Variants in IRAG1 observed in about 807,000 individuals in gnomAD.
The protein encoded by IRAG1 is inositol 1,4,5-triphosphate receptor associated 1.
A neutral mutation model predicts 106.2 loss-of-function variants in IRAG1; 62 were observed. The observed-to-expected ratio is 0.58, with a 90% CI of 0.48 to 0.72. The LOEUF (loss-of-function observed/expected upper bound fraction) is 0.72, where lower values mean the gene tolerates loss of function less well. IRAG1 is among the 30% of genes least tolerant of loss of function. IRAG1 has a pLI of 0.00. For missense variants in IRAG1, 1,064 were observed against 1,140.7 expected, an observed-to-expected ratio of 0.93 and a Z score of 0.97; for synonymous variants, 462 against 443.9, an observed-to-expected ratio of 1.04 and a Z score of -0.51.
chr11:10,640,792 T>A (rs1857455284), intron 2 of IRAG1, among the ~76,000 whole-genome samples: 1 of 152,170 alleles, frequency 6.6e-6, no homozygotes. Context: ...GGCCTCAGGC[T>A]CAGAAGCCAC....
chr11:10,614,939 T>C (rs1855275026), intron 10 of IRAG1, among the ~76,000 whole-genome samples: 1 of 152,058 alleles, frequency 6.6e-6, no homozygotes, highest in Non-Finnish European at 1.5e-5. Flanking sequence ...AATTGACAAA[T>C]GGGATCTAAT....
In IRAG1 at chr11:10,628,636, A is replaced by T. The variant is rs572821885; in HGVS notation, c.652+115T>A. Reference sequence around the variant, plus strand: ...GTCTTGCTCTGGGTGTGAAGGGGCCATCAGAGTTCTTGAAGGGGAAGCCTG... The same window carrying T: ...GTCTTGCTCTGGGTGTGAAGGGGCCTTCAGAGTTCTTGAAGGGGAAGCCTG... On this transcript the variant is annotated intron_variant, in intron 6 of 20. Transcript: ENST00000423302. The surrounding 1 kb of genome is among the most constrained non-coding windows in gnomAD (Gnocchi z 4.1). 1 of 877,392 alleles carries T rather than the reference A, an allele frequency of 1.1e-6. No individual in the cohort carries two copies. The allele number at this position is 877,392 out of a possible 1,614,324, so 54.4% of individuals were successfully genotyped here. A position where few individuals can be genotyped will look rare whatever the true frequency, so the allele number is the denominator to read the frequency against.
At position 10,659,379 on chromosome 11, in the gene IRAG1, G is replaced by A. The variant is rs998132271; in HGVS notation, c.68-7197C>T. On this transcript the variant is annotated intron_variant, in intron 1 of 20. Transcript: ENST00000423302. This position sits in a 1 kb window ranked among gnomAD's most constrained non-coding sequence, Gnocchi z 4.1. ...TGCAGGAGCAGGAATGGTGAAGGGC[G>A]GAGATGCAGGGAGAAAGCCTCGGTG... Among the ~76,000 whole-genome samples, 4 of 152,168 alleles carry A rather than the reference G, an allele frequency of 2.6e-5. No individual in the cohort carries two copies. Among genetic ancestry groups the A allele is most frequent in the Non-Finnish European group, 4.4e-5 (3 of 68,030 alleles).
At chr11:10,651,226 G>A (rs1350696440) in intron 2 of IRAG1, among the ~76,000 whole-genome samples, 2 of 152,214 alleles carry the variant, frequency 1.3e-5, no homozygotes, top group African/African-American at 4.8e-5. Flanking sequence ...ATACGACGAG[G>A]ATGATGCTCA....
At chr11:10,600,649 C>G (rs1853892829) in intron 15 of IRAG1, among the ~76,000 whole-genome samples, 1 of 152,340 alleles carries the variant, frequency 6.6e-6, no homozygotes, top group Non-Finnish European at 1.5e-5. Context: ...TCTTGTAGCC[C>G]ATGGGCTTTG....
chr11:10,673,054 G>C (rs181375024), intron 1 of IRAG1, among the ~76,000 whole-genome samples: 1 of 152,120 alleles, frequency 6.6e-6, no homozygotes, highest in Admixed American at 6.5e-5. Flanking sequence ...AGGCTGAGAC[G>C]GGCGAATCAC....
Position 10,652,168 on chromosome 11 carries a change from C to T in IRAG1, c.82G>A (p.Ala28Thr), listed in dbSNP as rs369102187. ...TCAGCCCCAAAGATGCTCCAAGAGG[C>T]CTGGGCTCCACAGGCTGGGGAGATG... ...NNSVLACGAQ[A>T]SWSIFGADAA... Residue 28 changes from alanine (A) to threonine (T), a missense_variant, in exon 2 of 21, where the codon GCC becomes ACC. By Grantham distance (58) the Ala-to-Thr change is moderately conservative. Coordinates refer to ENST00000423302, the MANE Select transcript of IRAG1 (RefSeq NM_130385.4). 50 of 1,613,714 alleles carry T rather than the reference C, an allele frequency of 3.1e-5. No homozygotes were observed. Among genetic ancestry groups the T allele is most frequent in the Admixed American group, 2.0e-4 (12 of 59,990 alleles).
At chr11:10,619,481 T>C (rs956230830) in intron 10 of IRAG1, among the ~76,000 whole-genome samples, 2 of 152,114 alleles carry the variant, frequency 1.3e-5, no homozygotes, top group Admixed American at 6.6e-5. Context: ...GGCTCTTTGA[T>C]GGGGCTTTCA....
intron 1 of IRAG1, among the ~76,000 whole-genome samples, chr11:10,677,566 T>C (rs1255970180): frequency 7.4e-6 from 1 of 135,892 alleles, no homozygotes; most frequent in Non-Finnish European, 1.6e-5. Flanking sequence ...TGCCTAAACT[T>C]TGGGTCACAT....
intron 1 of IRAG1, among the ~76,000 whole-genome samples, chr11:10,689,795 T>G (rs1461686240): frequency 6.6e-6 from 1 of 152,208 alleles, no homozygotes; most frequent in Admixed American, 6.5e-5. Flanking sequence ...AAGATCCTAG[T>G]TTTACAAAAT....
intron 1 of IRAG1, among the ~76,000 whole-genome samples, chr11:10,676,235 A>G (rs1163372740): frequency 2.6e-5 from 4 of 152,178 alleles, no homozygotes; most frequent in Admixed American, 6.5e-5. Context: ...GTTAGTCTAC[A>G]CCTTGGTTTC....
chr11:10,639,470 A>T (rs915058498), intron 2 of IRAG1, among the ~76,000 whole-genome samples: 4 of 152,192 alleles, frequency 2.6e-5, no homozygotes, highest in African/African-American at 9.7e-5. Context: ...GACTCTGAGA[A>T]GGCTCGCCTT....
intron 3 of IRAG1, 97 bp downstream of exon 3, chr11:10,633,871 C>T: frequency 1.5e-6 from 1 of 661,384 alleles, no homozygotes; most frequent in Non-Finnish European, 2.4e-6. Context: ...TAAAATGATA[C>T]AAGAAAAAAG....
At chr11:10,580,884 G>A (rs898222690) in intron 19 of IRAG1, among the ~76,000 whole-genome samples, 6 of 152,152 alleles carry the variant, frequency 3.9e-5, no homozygotes, top group East Asian at 3.9e-4. Flanking sequence ...AAAACATTCC[G>A]TAGGGCTAAG....
At chr11:10,617,096 G>C in intron 10 of IRAG1, 1 of 985,334 alleles carries the variant, frequency 1.0e-6, no homozygotes, top group Non-Finnish European at 1.2e-6. Context: ...TCTGAGTCTA[G>C]ACTGGGGGTT....
intron 18 of IRAG1, among the ~76,000 whole-genome samples, chr11:10,591,312 C>G (rs1180775379): frequency 1.3e-5 from 2 of 152,204 alleles, no homozygotes. Flanking sequence ...AGGCTCCAGC[C>G]TTCTCTGGGC....
In IRAG1 at chr11:10,665,561, C is replaced by A. The variant is rs79392480; in HGVS notation, c.68-13379G>T. ...CACCTACCTATCCCTCAGCTCAGAG[C>A]TGGATAGGCTCTCACTCTCAACCCT... On this transcript the variant is annotated intron_variant, in intron 1 of 20. Transcript: ENST00000423302. The surrounding 1 kb of genome is among the most constrained non-coding windows in gnomAD (Gnocchi z 4.2). Among the ~76,000 whole-genome samples, 1,375 of 152,312 alleles carry A rather than the reference C, an allele frequency of 9.0e-3. 10 individuals carry two copies. Among genetic ancestry groups the A allele is most frequent in the Non-Finnish European group, 0.014 (953 of 68,026 alleles).
intron 20 of IRAG1, 48 bp from the exon 21 acceptor site, chr11:10,576,623 A>C: frequency 6.2e-7 from 1 of 1,608,364 alleles, no homozygotes; most frequent in African/African-American, 1.3e-5. Flanking sequence ...CTGGGCACAC[A>C]TATGATACAC....
chr11:10,630,009 C>G, intron 4 of IRAG1: 1 of 345,872 alleles, frequency 2.9e-6, no homozygotes, highest in South Asian at 5.5e-5. Context: ...GCCTTACCTC[C>G]GGCACCATCT....
Sources: gnomAD v4.1 joint callset for allele counts (sites outside exome capture counted in the v4.1 genomes callset) on GRCh38, gnomAD v4.1.1 for gene constraint, Gnocchi (gnomAD v3.1) non-coding constraint, MANE v1.5 for transcripts, NCBI Gene and HGNC (gene_info 2026-07-23, HGNC 2026-07-21) for gene names.